PTPN20: variants seen among roughly 807,000 people sequenced by gnomAD.
PTPN20 encodes protein tyrosine phosphatase non-receptor type 20.
Under a neutral mutation model 35.0 loss-of-function variants are expected in PTPN20, and 9 were observed. That is an observed-to-expected ratio of 0.26 (90% CI 0.15 to 0.45). The LOEUF (loss-of-function observed/expected upper bound fraction) is 0.45. Ranked by LOEUF, PTPN20 falls within the 20% of genes least tolerant of loss-of-function variation. The pLI is 1.00. For missense variants in PTPN20, 111 were observed against 312.5 expected, an observed-to-expected ratio of 0.36 and a Z score of 4.86; for synonymous variants, 32 against 100.2, an observed-to-expected ratio of 0.32 and a Z score of 4.06.
chr10:46,928,240 T>C (rs880000016), intron 1 of PTPN20, among the ~76,000 whole-genome samples: 9 of 152,198 alleles, frequency 5.9e-5, no homozygotes, highest in African/African-American at 1.4e-4. Flanking sequence ...CACAGTAATC[T>C]TTAATGAGCT....
intron 7 of PTPN20, among the ~76,000 whole-genome samples, chr10:46,982,486 T>C (rs2055719600): frequency 6.6e-6 from 1 of 152,090 alleles, no homozygotes; most frequent in South Asian, 2.1e-4. Context: ...TTTTACCATT[T>C]TAATCATTAT....
intron 1 of PTPN20, among the ~76,000 whole-genome samples, chr10:46,920,481 C>T (rs1589151223): frequency 6.7e-6 from 1 of 150,270 alleles, no homozygotes; most frequent in East Asian, 1.9e-4. Flanking sequence ...GGCTTATATA[C>T]CATAGGGAAA....
intron 1 of PTPN20, 79 bp from the exon 2 acceptor site, chr10:46,932,298 T>A: frequency 3.3e-6 from 5 of 1,496,770 alleles, no homozygotes; most frequent in Non-Finnish European, 4.4e-6. Context: ...TATTTTGAAT[T>A]GATGAGTAAT....
At position 47,000,801 on chromosome 10, in the gene PTPN20, G is replaced by T. The variant is rs2059956084; in HGVS notation, c.*60G>T. On this transcript the variant is annotated 3_prime_UTR_variant, in exon 11 of 11. Transcript: ENST00000374339. ...AAGTGGGTTTGCACCTCCTCATAAA[G>T]AACATGTTTGCACTGTGCTGAAGGG... 1.3e-6 allele frequency: 2 copies of T among 1,590,088 alleles called. No individual in the cohort carries two copies. Among genetic ancestry groups the T allele is most frequent in the South Asian group, 2.2e-5 (2 of 90,582 alleles).
chr10:46,999,194 A>G lies in PTPN20; in HGVS notation c.1135-718A>G, dbSNP rs1169034570. Among the ~76,000 whole-genome samples the G allele has an allele frequency of 3.9e-5, 6 of 152,330 alleles. No individual in the cohort carries two copies. In the South Asian group the frequency reaches 1.0e-3, roughly 26 times the overall value. The stretch of plus-strand genomic sequence containing the variant: ...GGAATGCTTATTGTTTTCTATTTTT[A>G]TATGCTTTGGGGTTACAGTTGACAA... On this transcript the variant is annotated intron_variant, in intron 9 of 10. Transcript: ENST00000374339.
At chr10:46,922,659 C>G (rs2035746362) in intron 1 of PTPN20, among the ~76,000 whole-genome samples, 1 of 137,538 alleles carries the variant, frequency 7.3e-6, no homozygotes, top group South Asian at 2.3e-4. Context: ...ACTCCCGAAA[C>G]AGGACCAAGG....
intron 9 of PTPN20, 84 bp from the exon 10 acceptor site, chr10:46,999,828 A>T: frequency 1.3e-6 from 2 of 1,486,968 alleles, no homozygotes; most frequent in Non-Finnish European, 1.9e-6. Context: ...AAATCTTGAC[A>T]TCTCTTTCAC....
At chr10:47,002,773 A>G (rs1236269776), downstream of PTPN20, among the ~76,000 whole-genome samples, 2 of 151,960 alleles carry the variant, frequency 1.3e-5, no homozygotes, top group African/African-American at 4.8e-5. Context: ...TTTCAGAAAT[A>G]AACATCTTAG....
At chr10:46,994,745 C>A (rs2058740685) in intron 9 of PTPN20, among the ~76,000 whole-genome samples, 1 of 152,092 alleles carries the variant, frequency 6.6e-6, no homozygotes, top group East Asian at 1.9e-4. Context: ...CTCTTGAACA[C>A]CAGTAATTTT....
At chr10:46,995,956 A>C (rs2059031055) in intron 9 of PTPN20, among the ~76,000 whole-genome samples, 3 of 152,126 alleles carry the variant, frequency 2.0e-5, no homozygotes, top group Non-Finnish European at 2.9e-5. Context: ...TGTTGGTGAT[A>C]ATTTCAGTGC....
intron 3 of PTPN20, among the ~76,000 whole-genome samples, chr10:46,941,904 A>G (rs1383955500): frequency 1.2e-5 from 1 of 85,878 alleles, no homozygotes; most frequent in African/African-American, 5.7e-5. Flanking sequence ...AGCCATTTTT[A>G]TGTCCTTTCA....
chr10:46,995,454 A>G (rs942266984), intron 9 of PTPN20, among the ~76,000 whole-genome samples: 42 of 151,266 alleles, frequency 2.8e-4, no homozygotes, highest in African/African-American at 1.0e-3. Context: ...GCTCATTCCA[A>G]TTAGGGAAAG....
intron 9 of PTPN20, among the ~76,000 whole-genome samples, chr10:46,995,954 A>G (rs2059030405): frequency 6.6e-6 from 1 of 152,160 alleles, no homozygotes; most frequent in Admixed American, 6.5e-5. Flanking sequence ...ATTGTTGGTG[A>G]TAATTTCAGT....
At chr10:46,988,872 A>T (rs2057362450) in intron 9 of PTPN20, among the ~76,000 whole-genome samples, 1 of 150,610 alleles carries the variant, frequency 6.6e-6, no homozygotes, top group Non-Finnish European at 1.5e-5. Flanking sequence ...AGCTATTGTA[A>T]ATAAGATCAC....
rs533143186 is a variant in PTPN20 at position 46,931,516 on chromosome 10, T to C, written c.-123-861T>C. Among the ~76,000 whole-genome samples the C allele has an allele frequency of 7.5e-4, 106 of 141,544 alleles. 6 individuals are homozygous for C. Among genetic ancestry groups the C allele is most frequent in the Non-Finnish European group, 1.3e-3 (87 of 66,876 alleles). The allele number at this position is 141,544 out of a possible 152,430, so 92.9% of individuals were successfully genotyped here. A position where few individuals can be genotyped will look rare whatever the true frequency, so the allele number is the denominator to read the frequency against. On this transcript the variant is annotated intron_variant, in intron 1 of 10. Transcript: ENST00000374339. ...GCTCAAGCCATTCTCCTACCTCAGC[T>C]TTTCAAGTAGCTGGGACCACAGGTG... is the stretch of plus-strand genomic sequence containing the variant.
At chr10:46,975,275 AC>A (rs1424883397) in intron 7 of PTPN20, among the ~76,000 whole-genome samples, 88 of 83,324 alleles carry the variant, frequency 1.1e-3, no homozygotes, top group African/African-American at 4.0e-3. Flanking sequence ...AAATTTTCAT[AC>A]ACTTCAGCAT....
At chr10:46,926,483 AT>A (rs2037432083) in intron 1 of PTPN20, among the ~76,000 whole-genome samples, 1 of 151,614 alleles carries the variant, frequency 6.6e-6, no homozygotes, top group African/African-American at 2.4e-5. Context: ...CTGCTCTGTG[AT>A]TACCCTGGGA....
rs1024423410 is a variant in PTPN20, at chr10:47,000,862, C to T, written c.*121C>T. On this transcript the variant is annotated 3_prime_UTR_variant, in exon 11 of 11. Coordinates refer to ENST00000374339, the MANE Select transcript of PTPN20 (RefSeq NM_001042357.5). Reference sequence around the variant, plus strand: ...CATACAATCTGCTTTCTTGGTTTATCAGTTTATTTTCTTTCTAAAAGCTCC... The same window carrying T: ...CATACAATCTGCTTTCTTGGTTTATTAGTTTATTTTCTTTCTAAAAGCTCC... 6.9e-6 allele frequency: 9 copies of T among 1,299,068 alleles called. No individual in the cohort carries two copies. The highest frequency in any genetic ancestry group is 1.0e-5 in the Non-Finnish European group (9 of 897,202). 80.5% of individuals were successfully genotyped at this position (1,299,068 alleles called of 1,614,324 possible).
intron 2 of PTPN20, among the ~76,000 whole-genome samples, chr10:46,940,059 G>A (rs1448010330): frequency 6.6e-6 from 1 of 151,818 alleles, no homozygotes; most frequent in African/African-American, 2.4e-5. Context: ...GAAAGAGTCT[G>A]TGCAGTAAAA....
Sources: gnomAD v4.1 joint callset for allele counts (sites outside exome capture counted in the v4.1 genomes callset) on GRCh38, gnomAD v4.1.1 for gene constraint, MANE v1.5 for transcripts, NCBI Gene and HGNC (gene_info 2026-07-23, HGNC 2026-07-21) for gene names.